The following PACSIN1 variants were observed in gnomAD, a reference collection of about 807,000 sequenced individuals.
The protein encoded by PACSIN1 is protein kinase C and casein kinase substrate in neurons protein 1.
A neutral mutation model predicts 59.5 loss-of-function variants in PACSIN1; 15 were observed. The ratio of observed to expected loss-of-function variants is 0.25; its 90% CI spans 0.17 to 0.39. PACSIN1 has a LOEUF of 0.39. Among genes scored for constraint, PACSIN1 ranks in the 10% least tolerant of loss-of-function variants. The pLI, the probability that PACSIN1 is intolerant of heterozygous loss-of-function variation, is 1.00. For synonymous variants in PACSIN1, 210 were observed against 220.6 expected (o/e 0.95, Z 0.42); for missense variants, 420 against 580.2 (o/e 0.72, Z 2.84).
intron 1 of PACSIN1, among the ~76,000 whole-genome samples, chr6:34,520,516 G>C (rs1003678762): frequency 6.6e-6 from 1 of 152,178 alleles, no homozygotes; most frequent in Non-Finnish European, 1.5e-5. Context: ...CCTTCCTGCT[G>C]TGTGACCTTG....
At chr6:34,498,796 CAAAAAA>C (rs1228510694) in intron 1 of PACSIN1, among the ~76,000 whole-genome samples, 1 of 95,632 alleles carries the variant, frequency 1.0e-5, no homozygotes. Context: ...GACTTTGTCT[CAAAAAA>C]AAAAAAAAAA....
At chr6:34,523,872 C>T (rs1392734410) in intron 1 of PACSIN1, among the ~76,000 whole-genome samples, 2 of 152,160 alleles carry the variant, frequency 1.3e-5, no homozygotes. Flanking sequence ...CTTCCTGAGC[C>T]CACCACTGTG....
intron 1 of PACSIN1, among the ~76,000 whole-genome samples, chr6:34,486,410 T>C (rs1410080835): frequency 6.6e-6 from 1 of 152,130 alleles, no homozygotes; most frequent in Non-Finnish European, 1.5e-5. Context: ...GCCAGGTAAG[T>C]TGCCAGCTAG....
At chr6:34,487,220 T>C (rs1051456978) in intron 1 of PACSIN1, among the ~76,000 whole-genome samples, 1 of 152,076 alleles carries the variant, frequency 6.6e-6, no homozygotes, top group Admixed American at 6.6e-5. Flanking sequence ...TGCACGTCAG[T>C]GAACATGAGC....
chr6:34,499,085 C>G (rs1197480055), intron 1 of PACSIN1, among the ~76,000 whole-genome samples: 2 of 151,916 alleles, frequency 1.3e-5, no homozygotes, highest in African/African-American at 4.8e-5. Context: ...TACAACTGGC[C>G]ATAATATAGA....
At chr6:34,499,134 T>TCAAC in intron 1 of PACSIN1, among the ~76,000 whole-genome samples, 2 of 152,064 alleles carry the variant, frequency 1.3e-5, no homozygotes, top group Non-Finnish European at 2.9e-5. Flanking sequence ...AACTAGACAG[T>TCAAC]CCCATCTGGG....
intron 1 of PACSIN1, among the ~76,000 whole-genome samples, chr6:34,484,356 C>T (rs972733982): frequency 3.9e-4 from 59 of 152,048 alleles, no homozygotes; most frequent in Non-Finnish European, 1.6e-4. Flanking sequence ...ATGAAAAGGC[C>T]TCACACTGTA....
At chr6:34,480,452 C>G (rs113858286) in intron 1 of PACSIN1, among the ~76,000 whole-genome samples, 2,045 of 151,814 alleles carry the variant, frequency 0.013, 20 homozygotes, top group Middle Eastern at 0.031. Context: ...TCTTGAACTC[C>G]CGGGCTCAAG....
At chr6:34,505,631 C>CTTTTTTT (rs35588714) in intron 1 of PACSIN1, among the ~76,000 whole-genome samples, 2 of 106,408 alleles carry the variant, frequency 1.9e-5, no homozygotes, top group African/African-American at 7.7e-5. Flanking sequence ...TACCTCCATA[C>CTTTTTTT]TTTTTTTTTT....
rs1185380126 is a variant in PACSIN1 at position 34,529,056 on chromosome 6, T to C, written c.456+179T>C. 6.6e-6 allele frequency among the ~76,000 whole-genome samples: 1 copy of C among 151,594 alleles called. No individual in the cohort carries two copies. The highest frequency in any genetic ancestry group is 1.5e-5 in the Non-Finnish European group (1 of 67,890). On this transcript the variant is annotated intron_variant, in intron 4 of 9. Coordinates refer to ENST00000244458, the MANE Select transcript of PACSIN1 (RefSeq NM_020804.5). This position sits in a 1 kb window ranked among gnomAD's most constrained non-coding sequence, Gnocchi z 6.3. ...TTCACAGATGGGTAGGCAGTGCCCA[T>C]TGGGTAAGGAGACCCATGGGCAAAA... is the stretch of plus-strand genomic sequence containing the variant.
intron 1 of PACSIN1, among the ~76,000 whole-genome samples, chr6:34,502,911 A>T (rs953806198): frequency 6.6e-6 from 1 of 152,208 alleles, no homozygotes; most frequent in Non-Finnish European, 1.5e-5. Flanking sequence ...CTAGGCAGCA[A>T]TAGACAACTG....
At chr6:34,527,034 G>A (rs1042716240) in intron 2 of PACSIN1, among the ~76,000 whole-genome samples, 1 of 152,194 alleles carries the variant, frequency 6.6e-6, no homozygotes, top group African/African-American at 2.4e-5. Context: ...TCCAGCCCAA[G>A]TCCAAATTCT....
intron 1 of PACSIN1, among the ~76,000 whole-genome samples, chr6:34,504,442 C>T (rs1767077516): frequency 6.6e-6 from 1 of 152,070 alleles, no homozygotes; most frequent in Non-Finnish European, 1.5e-5. Context: ...AGGTGCCCAA[C>T]ACCGCACCCA....
intron 1 of PACSIN1, among the ~76,000 whole-genome samples, chr6:34,494,161 A>G (rs919679281): frequency 6.6e-6 from 1 of 152,144 alleles, no homozygotes; most frequent in African/African-American, 2.4e-5. Flanking sequence ...TTATTGGCCT[A>G]TCTTACCCTC....
At chr6:34,470,300 C>G (rs1198324802) in intron 1 of PACSIN1, among the ~76,000 whole-genome samples, 1 of 151,982 alleles carries the variant, frequency 6.6e-6, no homozygotes, top group Non-Finnish European at 1.5e-5. Context: ...TCTGCCTCAG[C>G]CTCCTGAGTA....
intron 1 of PACSIN1, among the ~76,000 whole-genome samples, chr6:34,494,133 T>C (rs926938403): frequency 5.9e-5 from 9 of 152,248 alleles, no homozygotes; most frequent in African/African-American, 2.2e-4. Flanking sequence ...GGACACAAAA[T>C]TTACCTACTT....
Position 34,528,728 on chromosome 6 carries a change from A to T in PACSIN1, c.307A>T (p.Asn103Tyr), listed in dbSNP as rs748294686. ...KVSELHQEVKNNLLNEDLEKV... is the reference protein window; with the variant it reads ...KVSELHQEVKYNLLNEDLEKV... ...GAGCGAGCTGCACCAGGAGGTGAAG[A>T]ACAATCTGCTGAATGAGGACCTGGA... The change falls in exon 4 of 10, where the codon AAC becomes TAC. Residue 103 changes from asparagine to tyrosine, a missense_variant. Coordinates refer to ENST00000244458, the MANE Select transcript of PACSIN1 (RefSeq NM_020804.5). 2 of 1,614,096 alleles carry T rather than the reference A, an allele frequency of 1.2e-6. No homozygotes were observed. The highest frequency in any genetic ancestry group is 1.7e-6 in the Non-Finnish European group (2 of 1,180,006).
chr6:34,474,251 A>G (rs1766608142), intron 1 of PACSIN1, among the ~76,000 whole-genome samples: 1 of 152,010 alleles, frequency 6.6e-6, no homozygotes, highest in South Asian at 2.1e-4. Context: ...TCATTTAGTC[A>G]TCAACAAGTC....
rs1424355023 is a variant in PACSIN1, at chr6:34,530,903, A to AG, written c.1037+322dup. Among the ~76,000 whole-genome samples the AG allele has an allele frequency of 6.6e-6, 1 of 152,100 alleles. No homozygotes were observed. The highest frequency in any genetic ancestry group is 2.4e-5 in the African/African-American group (1 of 41,414). ...ATCCCTCGCATGCGCAGTTCACAAT[A>AG]GGGGGGTTGCGCTCCTATGAGAATC... On this transcript the variant is annotated intron_variant, in intron 8 of 9. Transcript: ENST00000244458. This position sits in a 1 kb window ranked among gnomAD's most constrained non-coding sequence, Gnocchi z 4.4.
Sources: allele counts gnomAD v4.1 joint callset (sites outside exome capture counted in the v4.1 genomes callset), GRCh38; gene constraint gnomAD v4.1.1; non-coding constraint Gnocchi (gnomAD v3.1); transcripts MANE v1.5; gene names NCBI Gene and HGNC (gene_info 2026-07-23, HGNC 2026-07-21).